Variants in FREM1 observed in about 807,000 individuals in gnomAD.
FREM1 encodes the protein FRAS1 related extracellular matrix 1.
Under a neutral mutation model 210.1 loss-of-function variants are expected in FREM1, and 220 were observed. The observed-to-expected ratio is 1.05, with a 90% CI of 0.94 to 1.17. The LOEUF is 1.17. FREM1 is among the 50% of genes most tolerant of loss of function. The probability of loss-of-function intolerance (pLI) is 0.00; values close to 1 mark genes in which losing one functional copy is unlikely to be tolerated. For missense variants in FREM1, 3,454 were observed against 2,675.5 expected (o/e 1.29, Z -6.42); for synonymous variants, 1,189 against 980.2 (o/e 1.21, Z -3.98).
chr9:14,903,967 A>G (rs1817198078), intron 1 of FREM1, among the ~76,000 whole-genome samples: 1 of 151,990 alleles, frequency 6.6e-6, no homozygotes, highest in Non-Finnish European at 1.5e-5. Flanking sequence ...TAAAAATACA[A>G]AAAAATTAGC....
intron 8 of FREM1, among the ~76,000 whole-genome samples, chr9:14,844,751 T>C (rs1445043046): frequency 1.3e-5 from 2 of 152,254 alleles, no homozygotes; most frequent in Admixed American, 6.5e-5. Context: ...GTATGTGACA[T>C]AGTTTGATAA....
intron 1 of FREM1, among the ~76,000 whole-genome samples, chr9:14,870,494 T>C (rs985958837): frequency 2.0e-5 from 3 of 152,294 alleles, no homozygotes; most frequent in African/African-American, 4.8e-5. Flanking sequence ...TCTTTGTTTT[T>C]TTTCTTAAAT....
chr9:14,875,842 G>T (rs992389067), intron 1 of FREM1, among the ~76,000 whole-genome samples: 2 of 152,178 alleles, frequency 1.3e-5, no homozygotes, highest in Non-Finnish European at 2.9e-5. Context: ...GTGATTTACA[G>T]ATGGGTTTTT....
chr9:14,778,428 T>C (rs773124692), intron 24 of FREM1, among the ~76,000 whole-genome samples: 2 of 150,528 alleles, frequency 1.3e-5, no homozygotes, highest in African/African-American at 2.4e-5. Context: ...CTGGGTAACA[T>C]GGCAAAACCC....
intron 1 of FREM1, among the ~76,000 whole-genome samples, chr9:14,869,865 G>A (rs1214470645): frequency 6.6e-6 from 1 of 152,192 alleles, no homozygotes; most frequent in Non-Finnish European, 1.5e-5. Context: ...TACGAATGAG[G>A]TGACATAGCT....
rs898754261 is a variant in FREM1 at position 14,836,925 on chromosome 9, A to C, written c.1881+4522T>G. Among the ~76,000 whole-genome samples, 1 of 152,202 alleles carries C rather than the reference A, an allele frequency of 6.6e-6. No homozygotes were observed. Among genetic ancestry groups the C allele is most frequent in the Non-Finnish European group, 1.5e-5 (1 of 68,044 alleles). On this transcript the variant is annotated intron_variant, in intron 10 of 36. Transcript: ENST00000380880. The surrounding 1 kb of genome is among the most constrained non-coding windows in gnomAD (Gnocchi z 4.9). ...AAAAGAAATTATTTTATGCAGATAGAGAGGAAAAGGGGTCCTTGGGTAGTT... is the reference window on the plus strand; with the variant it reads ...AAAAGAAATTATTTTATGCAGATAGCGAGGAAAAGGGGTCCTTGGGTAGTT...
intron 15 of FREM1, among the ~76,000 whole-genome samples, chr9:14,815,109 G>A (rs1281588851): frequency 6.6e-6 from 1 of 152,204 alleles, no homozygotes; most frequent in Non-Finnish European, 1.5e-5. Flanking sequence ...ACGAAAGGAA[G>A]AGATTGCCTT....
intron 25 of FREM1, among the ~76,000 whole-genome samples, chr9:14,772,282 A>T (rs1415337554): frequency 1.3e-5 from 2 of 152,158 alleles, no homozygotes; most frequent in Non-Finnish European, 2.9e-5. Context: ...TATAATAGCA[A>T]TTTACAAAAG....
intron 14 of FREM1, among the ~76,000 whole-genome samples, chr9:14,817,311 C>T (rs776319571): frequency 2.3e-4 from 35 of 152,194 alleles, no homozygotes; most frequent in Non-Finnish European, 1.2e-4. Flanking sequence ...TCCGCCTGTG[C>T]TCTGGATCTA....
chr9:14,878,907 G>A (rs567605936), intron 1 of FREM1, among the ~76,000 whole-genome samples: 4 of 152,210 alleles, frequency 2.6e-5, no homozygotes, highest in East Asian at 3.9e-4. Context: ...TGCAATTCCA[G>A]TACTTGGGGA....
At position 14,816,788 on chromosome 9, in the gene FREM1, A is replaced by T. The variant is rs746815634; in HGVS notation, c.2630T>A (p.Leu877Gln). ...AAACTTTCTACCCACCTCAACATGT[A>T]GTACAAATTCTGCTGAATTTGTGCC... ...TDGTNSAEFVLHVEVFPVNDE... is the reference protein window; with the variant it reads ...TDGTNSAEFVQHVEVFPVNDE... Residue 877 changes from leucine to glutamine, a missense_variant, in exon 15 of 37, where the codon CTA (leucine) becomes CAA (glutamine). Transcript: ENST00000380880. 1 of 1,409,366 alleles carries T rather than the reference A, an allele frequency of 7.1e-7. No individual in the cohort carries two copies. The highest frequency in any genetic ancestry group is 1.8e-5 in the South Asian group (1 of 55,232). The allele number at this position is 1,409,366 out of a possible 1,614,324, so 87.3% of individuals were successfully genotyped here.
chr9:14,905,645 T>C (rs1238572922), intron 1 of FREM1, among the ~76,000 whole-genome samples: 1 of 152,194 alleles, frequency 6.6e-6, no homozygotes, highest in Admixed American at 6.5e-5. Flanking sequence ...CCCTAGCACT[T>C]TGGGAGGCCG....
chr9:14,819,572 G>A (rs911852323), intron 13 of FREM1, 130 bp from the exon 14 acceptor site: 6 of 606,976 alleles, frequency 9.9e-6, no homozygotes, highest in African/African-American at 7.4e-5. Flanking sequence ...AATGTGGTAA[G>A]AGGATAAGTT....
chr9:14,791,302 AT>A (rs1039167778), intron 22 of FREM1: 24 of 152,174 alleles, frequency 1.6e-4, no homozygotes, highest in African/African-American at 5.8e-4. Flanking sequence ...AGAGCAAGCT[AT>A]TGAGTTAGCA....
In FREM1 at chr9:14,870,791, C is replaced by G. The variant is rs201082950; in HGVS notation, c.-267-1547G>C. On this transcript the variant is annotated intron_variant, in intron 1 of 36. Coordinates refer to ENST00000380880, the MANE Select transcript of FREM1 (RefSeq NM_001379081.2). ...TTAGCATTAGGTATATCTCCTAATG[C>G]TATCCCTCCCCCCTCCCCCGACCCC... Among the ~76,000 whole-genome samples the G allele has an allele frequency of 2.7e-5, 4 of 147,330 alleles. No homozygotes were observed. The East Asian group carries it at 8.3e-4, about 31-fold the overall frequency.
chr9:14,860,716 TAC>T (rs1212794900), intron 3 of FREM1, among the ~76,000 whole-genome samples: 2 of 72,566 alleles, frequency 2.8e-5, no homozygotes, highest in African/African-American at 1.3e-4. Context: ...CACACATATA[TAC>T]ACATATATAC....
chr9:14,789,794 T>C (rs548199139), intron 22 of FREM1, among the ~76,000 whole-genome samples: 2 of 152,334 alleles, frequency 1.3e-5, no homozygotes, highest in South Asian at 2.1e-4. Flanking sequence ...GCAGAAATTG[T>C]GGCATTTTGA....
At chr9:14,858,306 A>G (rs1286998652) in intron 4 of FREM1, among the ~76,000 whole-genome samples, 2 of 152,178 alleles carry the variant, frequency 1.3e-5, no homozygotes, top group African/African-American at 2.4e-5. Flanking sequence ...CAGTCTTCAC[A>G]TCTCTAACCA....
intron 10 of FREM1, among the ~76,000 whole-genome samples, chr9:14,831,787 C>T: frequency 6.6e-6 from 1 of 152,184 alleles, no homozygotes. Flanking sequence ...AAATAAAAGG[C>T]AGAGAACTGA....
Sources: gnomAD v4.1 joint callset for allele counts (sites outside exome capture counted in the v4.1 genomes callset) on GRCh38, gnomAD v4.1.1 for gene constraint, Gnocchi (gnomAD v3.1) non-coding constraint, MANE v1.5 for transcripts, NCBI Gene and HGNC (gene_info 2026-07-23, HGNC 2026-07-21) for gene names.